MTUS1: variants seen among roughly 807,000 people sequenced by gnomAD.
MTUS1 encodes microtubule associated scaffold protein 1.
Under a neutral mutation model 120.8 loss-of-function variants are expected in MTUS1, and 109 were observed. The observed-to-expected ratio is 0.90, with a 90% CI of 0.77 to 1.06. MTUS1 has a LOEUF of 1.06. MTUS1 is among the 50% of genes least tolerant of loss of function. MTUS1 has a pLI of 0.00. For synonymous variants in MTUS1, 737 were observed against 550.5 expected (o/e 1.34, Z -4.74); for missense variants, 2,210 against 1,486.3 (o/e 1.49, Z -8.01).
chr8:17,714,276 G>A (rs912356965), intron 5 of MTUS1, among the ~76,000 whole-genome samples: 1 of 152,104 alleles, frequency 6.6e-6, no homozygotes, highest in Admixed American at 6.6e-5. Context: ...AAAAGGTATT[G>A]ACATACATTA....
intron 3 of MTUS1, 160 bp from the exon 4 acceptor site, chr8:17,723,993 G>A (rs899866794): frequency 5.7e-5 from 35 of 617,842 alleles, no homozygotes; most frequent in African/African-American, 1.3e-4. Flanking sequence ...AAAGCTTCAC[G>A]CAGACATGTT....
intron 4 of MTUS1, 190 bp downstream of exon 4, chr8:17,723,482 A>C: frequency 1.5e-6 from 1 of 664,092 alleles, no homozygotes. Context: ...ATACTTTAAC[A>C]CATAATTATT....
intron 8 of MTUS1, among the ~76,000 whole-genome samples, chr8:17,658,938 AAT>A (rs1809063690): frequency 1.3e-5 from 2 of 150,380 alleles, no homozygotes; most frequent in South Asian, 4.3e-4. Context: ...TCAATCTACA[AAT>A]GTTTATTGAA....
intron 2 of MTUS1, among the ~76,000 whole-genome samples, chr8:17,752,669 G>C (rs2048290818): frequency 6.6e-6 from 1 of 152,160 alleles, no homozygotes; most frequent in African/African-American, 2.4e-5. Context: ...ACCTAAGTCA[G>C]CCCTTCTGCA....
At chr8:17,679,546 G>C (rs191404648) in intron 7 of MTUS1, among the ~76,000 whole-genome samples, 166 of 151,708 alleles carry the variant, frequency 1.1e-3, no homozygotes, top group Non-Finnish European at 1.8e-3. Flanking sequence ...CTGTCACCCA[G>C]GCTGGAGTGC....
Position 17,646,119 on chromosome 8 carries a change from G to A in MTUS1, c.3620C>T (p.Ala1207Val), listed in dbSNP as rs767474479. 1 of 1,612,232 alleles carries A rather than the reference G, an allele frequency of 6.2e-7. No homozygotes were observed. The highest frequency in any genetic ancestry group is 1.3e-5 in the African/African-American group (1 of 74,674). ...AISRQLSTEQ[A>V]VLQESLEKES... is the part of the protein sequence containing the mutation. The stretch of plus-strand genomic sequence containing the variant: ...CTTCTCCAGCGACTCTTGCAGAACA[G>A]CCTGCTCCGTGGAAAGCTGCCTTGA... Residue 1207 changes from alanine (A) to valine (V), a missense_variant, in exon 15 of 15, where the codon GCT (alanine) becomes GTT (valine). Transcript: ENST00000693296.
intron 3 of MTUS1, among the ~76,000 whole-genome samples, chr8:17,727,392 T>C (rs1179033965): frequency 6.6e-6 from 1 of 152,076 alleles, no homozygotes; most frequent in East Asian, 1.9e-4. Flanking sequence ...TGCCACAGAA[T>C]AGAAACATCT....
At chr8:17,782,942 G>A (rs1003954654) in intron 1 of MTUS1, among the ~76,000 whole-genome samples, 17 of 152,168 alleles carry the variant, frequency 1.1e-4, no homozygotes, top group Non-Finnish European at 2.2e-4. Flanking sequence ...GCCGGGTGTG[G>A]TAGTGGGCGC....
At chr8:17,744,680 C>G (rs1309843463) in intron 2 of MTUS1, among the ~76,000 whole-genome samples, 3 of 144,490 alleles carry the variant, frequency 2.1e-5, no homozygotes, top group Non-Finnish European at 4.5e-5. Context: ...TGGGGTTTCA[C>G]CATGTTTTCT....
intron 3 of MTUS1, among the ~76,000 whole-genome samples, chr8:17,738,841 A>T (rs187501280): frequency 0.013 from 1,926 of 149,788 alleles, 35 homozygotes; most frequent in African/African-American, 0.043. Flanking sequence ...TTTAATTTTT[A>T]AAAAAATTAA....
At chr8:17,769,378 C>T (rs1209041740) in intron 1 of MTUS1, among the ~76,000 whole-genome samples, 263 of 144,574 alleles carry the variant, frequency 1.8e-3, no homozygotes, top group African/African-American at 6.4e-3. Flanking sequence ...GACAGAGTCT[C>T]GCTCTGTCGC....
In MTUS1 at chr8:17,762,056, G is replaced by C. The variant is rs188561511; in HGVS notation, c.-154-6095C>G. Among the ~76,000 whole-genome samples, 1,354 of 152,228 alleles carry C rather than the reference G, an allele frequency of 8.9e-3. 9 individuals are homozygous for C. The highest frequency in any genetic ancestry group is 0.02 in the South Asian group (97 of 4,824). On this transcript the variant is annotated intron_variant, in intron 1 of 14. Coordinates refer to ENST00000693296, the MANE Select transcript of MTUS1 (RefSeq NM_001363059.2). The stretch of plus-strand genomic sequence containing the variant: ...AGACTTTGGGAAGCCGAGGTGGGCG[G>C]ATCACTTGAGGCCAGGAGTTTGAGA...
intron 3 of MTUS1, among the ~76,000 whole-genome samples, chr8:17,726,140 C>G (rs115184947): frequency 6.6e-6 from 1 of 152,128 alleles, no homozygotes; most frequent in African/African-American, 2.4e-5. Flanking sequence ...AATCCAAAGT[C>G]AGCTCAAGCT....
At chr8:17,748,855 T>C (rs1397917178) in intron 2 of MTUS1, among the ~76,000 whole-genome samples, 1 of 152,172 alleles carries the variant, frequency 6.6e-6, no homozygotes, top group Non-Finnish European at 1.5e-5. Context: ...CTAACAATCA[T>C]CACCATATGT....
chr8:17,719,304 T>C (rs1055665156), intron 4 of MTUS1, among the ~76,000 whole-genome samples: 1 of 152,256 alleles, frequency 6.6e-6, no homozygotes, highest in African/African-American at 2.4e-5. Context: ...ATTCTGTTCA[T>C]TTCTTGAATT....
chr8:17,736,305 T>A (rs994811380), intron 3 of MTUS1, among the ~76,000 whole-genome samples: 1 of 152,210 alleles, frequency 6.6e-6, no homozygotes, highest in Non-Finnish European at 1.5e-5. Flanking sequence ...TGGCCCTGCT[T>A]GGTTGGTCCT....
chr8:17,681,367 G>A (rs575579463), intron 7 of MTUS1, among the ~76,000 whole-genome samples: 4 of 152,304 alleles, frequency 2.6e-5, no homozygotes, highest in African/African-American at 7.2e-5. Context: ...GTAATGATAC[G>A]TGAACAATGG....
At chr8:17,785,757 T>G (rs994170470) in intron 1 of MTUS1, among the ~76,000 whole-genome samples, 2 of 152,178 alleles carry the variant, frequency 1.3e-5, no homozygotes, top group Non-Finnish European at 2.9e-5. Flanking sequence ...AAGGCAGATC[T>G]GGAGGGCAGT....
intron 1 of MTUS1, among the ~76,000 whole-genome samples, chr8:17,779,745 C>CTTAGAAT (rs1404275357): frequency 1.3e-5 from 2 of 152,208 alleles, no homozygotes; most frequent in East Asian, 3.8e-4. Flanking sequence ...TTGGCAAATG[C>CTTAGAAT]CTCTAAGAGA....
Sources: allele counts gnomAD v4.1 joint callset (sites outside exome capture counted in the v4.1 genomes callset), GRCh38; gene constraint gnomAD v4.1.1; transcripts MANE v1.5; gene names NCBI Gene and HGNC (gene_info 2026-07-23, HGNC 2026-07-21).